Variants in STARD7 observed in about 807,000 individuals in gnomAD.
The protein encoded by STARD7 is StAR related lipid transfer domain containing 7.
In STARD7, 30 loss-of-function variants were observed where a neutral mutation model predicts 45.3. The observed-to-expected ratio is 0.66, with a 90% CI of 0.50 to 0.90. The LOEUF is 0.90. Among genes scored for constraint, STARD7 ranks in the 40% least tolerant of loss-of-function variants. The pLI is 0.00. For synonymous variants in STARD7, 199 were observed against 183.0 expected, an observed-to-expected ratio of 1.09 and a Z score of -0.70; for missense variants, 495 against 491.3, an observed-to-expected ratio of 1.01 and a Z score of -0.07.
At chr2:96,192,068 C>A (rs142377040) in intron 6 of STARD7, among the ~76,000 whole-genome samples, 1 of 152,180 alleles carries the variant, frequency 6.6e-6, no homozygotes, top group South Asian at 2.1e-4. Flanking sequence ...AGGAGGTACT[C>A]GCTCTAGTTC....
intron 1 of STARD7, among the ~76,000 whole-genome samples, chr2:96,207,363 G>A (rs540494511): frequency 6.6e-6 from 1 of 152,318 alleles, no homozygotes; most frequent in African/African-American, 2.4e-5. Flanking sequence ...TGCAGGGAGG[G>A]CACAGTTTAA....
At position 96,197,074 on chromosome 2, in the gene STARD7, A is replaced by ATAACATAACATAACATAAC. The variant is rs539093666; in HGVS notation, c.291-1526_291-1525insGTTATGTTATGTTATGTTA. Among the ~76,000 whole-genome samples, 67 of 128,186 alleles carry ATAACATAACATAACATAAC rather than the reference A, an allele frequency of 5.2e-4. 2 individuals carry two copies. The highest frequency in any genetic ancestry group is 2.1e-3 in the East Asian group (9 of 4,328). The allele number at this position is 128,186 out of a possible 152,430, so 84.1% of individuals were successfully genotyped here. A position where few individuals can be genotyped will look rare whatever the true frequency, so the allele number is the denominator to read the frequency against. ...AGAGCGAAACTCCGTCTCAAAATAA[A>ATAACATAACATAACATAAC]ATAAAATAAAATAAAATAAAATAAA... is the stretch of plus-strand genomic sequence containing the variant. On this transcript the variant is annotated intron_variant, in intron 1 of 7. Transcript: ENST00000337288.
intron 5 of STARD7, among the ~76,000 whole-genome samples, 196 bp downstream of exon 5, chr2:96,192,882 T>C: frequency 6.6e-6 from 1 of 152,258 alleles, no homozygotes; most frequent in South Asian, 2.1e-4. Flanking sequence ...AAAAAACAGT[T>C]TAACTAAAAG....
chr2:96,197,137 G>A (rs1290783331), intron 1 of STARD7, among the ~76,000 whole-genome samples: 6 of 124,540 alleles, frequency 4.8e-5, no homozygotes, highest in Middle Eastern at 3.6e-3. Flanking sequence ...CAAGCACAAC[G>A]GCTCACGCCT....
In STARD7 at chr2:96,208,797, C is replaced by G. The variant is rs1277599954; in HGVS notation, c.-363G>C. ...GACAGACAGCTCAGGCCCAGCAGCA[C>G]GCAAGCTCCCGCGCCTTCCGCGACT... On this transcript the variant is annotated 5_prime_UTR_variant, in exon 1 of 8. Transcript: ENST00000337288. 2.5e-6 allele frequency: 1 copy of G among 402,894 alleles called. No homozygotes were observed. The highest frequency in any genetic ancestry group is 3.6e-5 in the East Asian group (1 of 28,062). 25.0% of individuals were successfully genotyped at this position (402,894 alleles called of 1,614,324 possible).
intron 1 of STARD7, among the ~76,000 whole-genome samples, chr2:96,199,098 T>C (rs754805993): frequency 2.6e-5 from 4 of 152,224 alleles, no homozygotes; most frequent in Non-Finnish European, 4.4e-5. Flanking sequence ...AGTTTTGAAA[T>C]TGGGAACAGT....
chr2:96,202,298 A>G lies in STARD7; in HGVS notation c.290+5847T>C, dbSNP rs187369204. On this transcript the variant is annotated intron_variant, in intron 1 of 7. Coordinates refer to ENST00000337288, the MANE Select transcript of STARD7 (RefSeq NM_020151.4). ...ATCTGGGGGAAAGAATGCCAGCAACACTGCTCTAAGTAGATTATTCCTGCT... is the reference window on the plus strand; with the variant it reads ...ATCTGGGGGAAAGAATGCCAGCAACGCTGCTCTAAGTAGATTATTCCTGCT... 3.3e-5 allele frequency among the ~76,000 whole-genome samples: 5 copies of G among 152,290 alleles called. 1 individual carries two copies. In the East Asian group the frequency reaches 9.6e-4, roughly 29 times the overall value.
chr2:96,187,487 A>G (rs2104167083), intron 6 of STARD7, 186 bp from the exon 7 acceptor site: 2 of 526,050 alleles, frequency 3.8e-6, no homozygotes, highest in East Asian at 6.5e-5. Flanking sequence ...GTCTCCTTGC[A>G]ATGTTGACCC....
Position 96,185,691 on chromosome 2 carries a change from G to A in STARD7, c.*1039C>T, listed in dbSNP as rs1683025240. The A allele has an allele frequency of 6.6e-6, 1 of 152,122 alleles. No homozygotes were observed. The highest frequency in any genetic ancestry group is 1.5e-5 in the Non-Finnish European group (1 of 68,024). The allele number at this position is 152,122 out of a possible 1,614,324, so 9.4% of individuals were successfully genotyped here. A position where few individuals can be genotyped will look rare whatever the true frequency, so the allele number is the denominator to read the frequency against. On this transcript the variant is annotated 3_prime_UTR_variant, in exon 8 of 8. Coordinates refer to ENST00000337288, the MANE Select transcript of STARD7 (RefSeq NM_020151.4). ...ATTCACACAGCTTGTCTGTAGATCT[G>A]AGAGCTCCAAGGGAGTGGCCCAGCC... is the stretch of plus-strand genomic sequence containing the variant.
At chr2:96,196,376 C>G (rs1683206332) in intron 1 of STARD7, among the ~76,000 whole-genome samples, 1 of 152,164 alleles carries the variant, frequency 6.6e-6, no homozygotes. Flanking sequence ...GGGAACATCA[C>G]TTGAGCCCAG....
chr2:96,195,676 G>T, intron 1 of STARD7, 127 bp from the exon 2 acceptor site: 1 of 654,130 alleles, frequency 1.5e-6, no homozygotes, highest in Non-Finnish European at 2.6e-6. Flanking sequence ...ACAGGACACA[G>T]TATAGTCAAT....
At position 96,193,226 on chromosome 2, in the gene STARD7, A is replaced by T; in HGVS notation, c.660+16T>A. The T allele has an allele frequency of 6.2e-7, 1 of 1,606,684 alleles. No individual in the cohort carries two copies. Among genetic ancestry groups the T allele is most frequent in the Non-Finnish European group, 8.5e-7 (1 of 1,173,226 alleles). On this transcript the variant is annotated intron_variant, in intron 4 of 7. Coordinates refer to ENST00000337288, the MANE Select transcript of STARD7 (RefSeq NM_020151.4). ...CAAACCTGGACAGAAATAAAATCAG[A>T]AGTAAAAATACTCACAGGAAAATGG...
At chr2:96,198,817 C>T (rs545060757) in intron 1 of STARD7, among the ~76,000 whole-genome samples, 11 of 152,196 alleles carry the variant, frequency 7.2e-5, no homozygotes, top group Non-Finnish European at 1.6e-4. Context: ...AGAATTTTAG[C>T]TTACATTAGG....
intron 1 of STARD7, among the ~76,000 whole-genome samples, chr2:96,201,527 G>A (rs570754108): frequency 6.6e-6 from 1 of 151,858 alleles, no homozygotes; most frequent in South Asian, 2.1e-4. Context: ...GGTCGGGACT[G>A]TAGCGAGCCA....
rs1188919782 is a variant in STARD7 at position 96,186,340 on chromosome 2, A to T, written c.*390T>A. 6.3e-6 allele frequency: 1 copy of T among 159,104 alleles called. No individual in the cohort carries two copies. The highest frequency in any genetic ancestry group is 6.5e-5 in the Admixed American group (1 of 15,434). The allele number at this position is 159,104 out of a possible 1,614,324, so 9.9% of individuals were successfully genotyped here. A position where few individuals can be genotyped will look rare whatever the true frequency, so the allele number is the denominator to read the frequency against. On this transcript the variant is annotated 3_prime_UTR_variant, in exon 8 of 8. Coordinates refer to ENST00000337288, the MANE Select transcript of STARD7 (RefSeq NM_020151.4). ...CTGGCCAACTATACTTTCCAGGTGG[A>T]CCTGGAGAACTGAAGGAAATCCAAA...
intron 1 of STARD7, among the ~76,000 whole-genome samples, chr2:96,204,017 C>CCA (rs1343148945): frequency 6.6e-6 from 1 of 151,414 alleles, no homozygotes; most frequent in Non-Finnish European, 1.5e-5. Context: ...CTTTGGAAGG[C>CCA]CAAGGCGTGA....
At chr2:96,203,137 C>T (rs994108005) in intron 1 of STARD7, among the ~76,000 whole-genome samples, 2 of 152,164 alleles carry the variant, frequency 1.3e-5, no homozygotes, top group African/African-American at 2.4e-5. Context: ...CATGACAAGA[C>T]CCAATTAACA....
intron 3 of STARD7, 22 bp from the exon 4 acceptor site, chr2:96,193,374 TGAATACCCAA>T (rs1271567756): frequency 1.3e-6 from 2 of 1,528,094 alleles, no homozygotes; most frequent in Non-Finnish European, 1.8e-6. Context: ...GAAAAGACCA[TGAATACCCAA>T]GAAGACCCAA....
In STARD7 at chr2:96,208,415, A is replaced by AGCAGCCTCCGCGGGAGCAT; in HGVS notation, c.1_19dup (p.Leu7HisfsTer100). ...CCGCGTCCCCGCCAGCCAGGCGGCCAGCAGCCTCCGCGGGAGCATGCCGCC... is the reference window on the plus strand; with the variant it reads ...CCGCGTCCCCGCCAGCCAGGCGGCCAGCAGCCTCCGCGGGAGCATGCAGCCTCCGCGGGAGCATGCCGCC... On this transcript the variant is annotated frameshift_variant, in exon 1 of 8. Coordinates refer to ENST00000337288, the MANE Select transcript of STARD7 (RefSeq NM_020151.4). LOFTEE classifies it high-confidence loss of function. 1.4e-6 allele frequency: 2 copies of AGCAGCCTCCGCGGGAGCAT among 1,419,140 alleles called. No individual in the cohort carries two copies. The highest frequency in any genetic ancestry group is 1.5e-5 in the South Asian group (1 of 66,678). 87.9% of individuals were successfully genotyped at this position (1,419,140 alleles called of 1,614,324 possible).
Sources: gnomAD v4.1 joint callset for allele counts (sites outside exome capture counted in the v4.1 genomes callset) on GRCh38, gnomAD v4.1.1 for gene constraint, MANE v1.5 for transcripts, NCBI Gene and HGNC (gene_info 2026-07-23, HGNC 2026-07-21) for gene names.